The following BAZ1A variants were observed in gnomAD, a reference collection of about 807,000 sequenced individuals.
BAZ1A encodes the protein bromodomain adjacent to zinc finger domain protein 1A.
In BAZ1A, 50 loss-of-function variants were observed where a neutral mutation model predicts 185.2. That is an observed-to-expected ratio of 0.27 (90% CI 0.22 to 0.34). The LOEUF (loss-of-function observed/expected upper bound fraction) is 0.34, where lower values mean the gene tolerates loss of function less well. BAZ1A is among the 10% of genes least tolerant of loss of function. The pLI, the probability that BAZ1A is intolerant of heterozygous loss-of-function variation, is 1.00. For missense variants in BAZ1A, 1,356 were observed against 1,839.9 expected (o/e 0.74, Z 4.81); for synonymous variants, 571 against 615.6 (o/e 0.93, Z 1.07).
chr14:34,838,412 T>C (rs951032292), intron 3 of BAZ1A, among the ~76,000 whole-genome samples: 5 of 152,148 alleles, frequency 3.3e-5, no homozygotes, highest in Admixed American at 6.6e-5. Flanking sequence ...GAAAGAGCAA[T>C]ATGAGAGAGC....
At chr14:34,807,014 T>C (rs1264843062) in intron 6 of BAZ1A, among the ~76,000 whole-genome samples, 1 of 150,426 alleles carries the variant, frequency 6.6e-6, no homozygotes, top group Non-Finnish European at 1.5e-5. Context: ...TTTGGCCTCG[T>C]GAAGTGCAAG....
At position 34,780,319 on chromosome 14, in the gene BAZ1A, T is replaced by G. The variant is rs749271026; in HGVS notation, c.2112-9A>C. On this transcript the variant is annotated splice_polypyrimidine_tract_variant and intron_variant, in intron 16 of 26. Transcript: ENST00000360310. ...CTTCCCTTTCTTCCTCCCTTTAGGA[T>G]AAAAACAAAGATGACATTTACTAAT... is the stretch of plus-strand genomic sequence containing the variant. 6.2e-7 allele frequency: 1 copy of G among 1,600,126 alleles called. No homozygotes were observed. The highest frequency in any genetic ancestry group is 1.4e-5 in the African/African-American group (1 of 74,026).
intron 26 of BAZ1A, among the ~76,000 whole-genome samples, chr14:34,753,920 C>A (rs1886126650): frequency 6.7e-6 from 1 of 149,806 alleles, no homozygotes; most frequent in African/African-American, 2.5e-5. Flanking sequence ...GAGTTCGAGA[C>A]CATCCTGGGC....
intron 17 of BAZ1A, among the ~76,000 whole-genome samples, chr14:34,778,385 G>A (rs920221067): frequency 1.3e-5 from 2 of 152,168 alleles, no homozygotes; most frequent in Admixed American, 6.5e-5. Context: ...AAATTTCTCT[G>A]TTGTTTCAGT....
intron 4 of BAZ1A, among the ~76,000 whole-genome samples, chr14:34,819,603 A>C (rs1245280217): frequency 6.6e-6 from 1 of 152,136 alleles, no homozygotes. Context: ...TCATGGTTTA[A>C]TATCTAATTT....
In BAZ1A at chr14:34,765,229, T is replaced by C; in HGVS notation, c.3341A>G (p.Asp1114Gly). Residue 1114 changes from aspartate (D) to glycine (G), a missense_variant, in exon 22 of 27, where the codon GAC (aspartate) becomes GGC (glycine). Asp to Gly is a moderately conservative substitution (Grantham distance 94, BLOSUM62 -1). Around this residue, in one of 7 missense-constraint regions of BAZ1A, gnomAD observed 434 missense variants for 561.7 expected, o/e 0.77. Transcript: ENST00000360310. The part of the protein sequence containing the change: ...DSGRSYKTVL[D>G]RWRESLLSSA... ...AGAAAGGAGAGACTCTCTCCAACGG[T>C]CCAGAACTGTTTTATAAGAACGCCC... 1 of 1,614,152 alleles carries C rather than the reference T, an allele frequency of 6.2e-7. No individual in the cohort carries two copies. The highest frequency in any genetic ancestry group is 8.5e-7 in the Non-Finnish European group (1 of 1,180,022).
intron 4 of BAZ1A, 73 bp downstream of exon 4, chr14:34,825,940 A>AG: frequency 4.9e-6 from 7 of 1,415,580 alleles, no homozygotes; most frequent in Non-Finnish European, 6.5e-6. Context: ...TCTATCTCAA[A>AG]AAAAAAGTTA....
chr14:34,873,036 C>G (rs373715386), intron 2 of BAZ1A, among the ~76,000 whole-genome samples: 15 of 151,596 alleles, frequency 9.9e-5, no homozygotes, highest in East Asian at 7.8e-4. Context: ...GCGAGATGTG[C>G]ACTCCTACTT....
At chr14:34,872,864 A>AG (rs1478175133) in intron 2 of BAZ1A, among the ~76,000 whole-genome samples, 2 of 51,136 alleles carry the variant, frequency 3.9e-5, no homozygotes, top group African/African-American at 1.2e-4. Flanking sequence ...TGATACTCTT[A>AG]GTTTTTTTTT....
rs535232351 is a variant in BAZ1A at position 34,754,741 on chromosome 14, C to T, written c.4474+86G>A. 2.2e-5 allele frequency: 20 copies of T among 906,816 alleles called. No homozygotes were observed. The African/African-American group carries it at 2.7e-4, about 12-fold the overall frequency. The allele number at this position is 906,816 out of a possible 1,614,324, so 56.2% of individuals were successfully genotyped here. A position where few individuals can be genotyped will look rare whatever the true frequency, so the allele number is the denominator to read the frequency against. On this transcript the variant is annotated intron_variant, in intron 26 of 26. Coordinates refer to ENST00000360310, the MANE Select transcript of BAZ1A (RefSeq NM_013448.3). ...TTTAGTAACAGAAAAACAGCCTCTA[C>T]CTCTTTAAACAAAAATAAATATCAA...
intron 2 of BAZ1A, among the ~76,000 whole-genome samples, chr14:34,867,818 C>T (rs1035451830): frequency 1.3e-5 from 2 of 152,200 alleles, no homozygotes; most frequent in African/African-American, 2.4e-5. Flanking sequence ...CCTTCACTTT[C>T]TCCCACTTCT....
At chr14:34,811,143 A>C in intron 4 of BAZ1A, 107 bp from the exon 5 acceptor site, 1 of 831,702 alleles carries the variant, frequency 1.2e-6, no homozygotes, top group Non-Finnish European at 1.8e-6. Context: ...CACATATTTC[A>C]AAATTTTTTT....
chr14:34,797,830 G>A (rs1278578303), intron 9 of BAZ1A, among the ~76,000 whole-genome samples: 5 of 152,200 alleles, frequency 3.3e-5, no homozygotes, highest in Non-Finnish European at 5.9e-5. Flanking sequence ...AGCCGAAGCA[G>A]GGCGAGCCAA....
rs1212157186 is a variant in BAZ1A, at chr14:34,838,780, C to T, written c.393-12624G>A. On this transcript the variant is annotated intron_variant, in intron 3 of 26. Coordinates refer to ENST00000360310, the MANE Select transcript of BAZ1A (RefSeq NM_013448.3). ...CCTCAGGTGACCCACCCACCTCGGC[C>T]TCCCAAAGTGCTGGGATTACAGGCA... Among the ~76,000 whole-genome samples, 6 of 152,256 alleles carry T rather than the reference C, an allele frequency of 3.9e-5. No homozygotes were observed. In the East Asian group the frequency reaches 7.7e-4, roughly 20 times the overall value.
At position 34,753,580 on chromosome 14, in the gene BAZ1A, A is replaced by C; in HGVS notation, c.4599T>G (p.Leu1533=). 1.9e-6 allele frequency: 3 copies of C among 1,614,158 alleles called. No homozygotes were observed. The highest frequency in any genetic ancestry group is 2.5e-6 in the Non-Finnish European group (3 of 1,180,022). ...QAFFHIQAQK[L]GLHVTPSNVD... ...CATTACTGGGTGTGACGTGGAGTCCAAGCTTTTGAGCCTGAATATGAAAAA... is the reference window on the plus strand; with the variant it reads ...CATTACTGGGTGTGACGTGGAGTCCCAGCTTTTGAGCCTGAATATGAAAAA... Residue 1533 remains leucine, a synonymous_variant, in exon 27 of 27, where the codon CTT becomes CTG. Transcript: ENST00000360310.
At chr14:34,758,872 G>A (rs1306174181) in intron 24 of BAZ1A, 26 bp from the exon 25 acceptor site, 23 of 1,607,434 alleles carry the variant, frequency 1.4e-5, no homozygotes, top group Non-Finnish European at 1.9e-5. Flanking sequence ...CAACATTTTA[G>A]GTGATAACAA....
At chr14:34,777,871 A>G (rs1879752443) in intron 17 of BAZ1A, among the ~76,000 whole-genome samples, 1 of 152,042 alleles carries the variant, frequency 6.6e-6, no homozygotes, top group Non-Finnish European at 1.5e-5. Flanking sequence ...TGCACCTGTA[A>G]TCCCAGCTAC....
intron 2 of BAZ1A, among the ~76,000 whole-genome samples, chr14:34,872,941 A>AAAAAAAAAAAAAAAACAAC (rs1555346584): frequency 8.2e-6 from 1 of 122,620 alleles, no homozygotes; most frequent in Non-Finnish European, 1.7e-5. Flanking sequence ...AAAAAAAAAA[A>AAAAAAAAAAAAAAAACAAC]CTTGTCCAAT....
At chr14:34,868,894 A>G (rs992529326) in intron 2 of BAZ1A, among the ~76,000 whole-genome samples, 13 of 71,070 alleles carry the variant, frequency 1.8e-4, no homozygotes, top group Non-Finnish European at 4.3e-4. Flanking sequence ...GTATGTAAGT[A>G]TGTATGTGTG....
Sources: gnomAD v4.1 joint callset for allele counts (sites outside exome capture counted in the v4.1 genomes callset) on GRCh38, gnomAD v4.1.1 for gene constraint, gnomAD v4.1.1 regional missense constraint, MANE v1.5 for transcripts, NCBI Gene and HGNC (gene_info 2026-07-23, HGNC 2026-07-21) for gene names.